The following SLC2A13 variants were observed in gnomAD, a reference collection of about 807,000 sequenced individuals.
SLC2A13 encodes the protein solute carrier family 2 member 13.
SLC2A13 carries 32 observed loss-of-function variants against 64.4 expected under a neutral mutation model. The ratio of observed to expected loss-of-function variants is 0.50; its 90% CI spans 0.37 to 0.67. SLC2A13 has a LOEUF of 0.67. SLC2A13 is among the 30% of genes least tolerant of loss of function. The pLI is 0.00. For missense variants in SLC2A13, 743 were observed against 829.2 expected (o/e 0.90, Z 1.28); for synonymous variants, 338 against 327.1 (o/e 1.03, Z -0.36).
At chr12:40,093,951 G>C (rs1938849709) in intron 1 of SLC2A13, among the ~76,000 whole-genome samples, 1 of 152,084 alleles carries the variant, frequency 6.6e-6, no homozygotes, top group African/African-American at 2.4e-5. Context: ...GCTCTCATGT[G>C]TATAAAAAGA....
intron 8 of SLC2A13, 50 bp downstream of exon 8, chr12:39,764,687 A>C (rs2135713629): frequency 6.3e-7 from 1 of 1,593,464 alleles, no homozygotes; most frequent in Non-Finnish European, 8.5e-7. Context: ...TATCTACTCC[A>C]AAAAGAGGCA....
At chr12:40,070,172 C>CA (rs1168089215) in intron 1 of SLC2A13, among the ~76,000 whole-genome samples, 9 of 149,492 alleles carry the variant, frequency 6.0e-5, no homozygotes, top group African/African-American at 1.7e-4. Flanking sequence ...AAAAAAAACT[C>CA]AGAGACTTGT....
At chr12:39,864,420 G>C (rs925949084) in intron 6 of SLC2A13, among the ~76,000 whole-genome samples, 6 of 152,178 alleles carry the variant, frequency 3.9e-5, no homozygotes, top group Admixed American at 3.3e-4. Context: ...TATTTACTTT[G>C]CTTGGAACAC....
At chr12:39,777,475 G>C (rs1940816985) in intron 7 of SLC2A13, among the ~76,000 whole-genome samples, 2 of 152,222 alleles carry the variant, frequency 1.3e-5, no homozygotes, top group South Asian at 4.1e-4. Context: ...GCTAGGTAGA[G>C]GAGGGCGTGG....
At chr12:39,990,007 G>C (rs889341646) in intron 3 of SLC2A13, among the ~76,000 whole-genome samples, 3 of 152,096 alleles carry the variant, frequency 2.0e-5, no homozygotes, top group Non-Finnish European at 4.4e-5. Context: ...TTCTCTGATA[G>C]GACTATAGCT....
At chr12:39,809,008 CTA>C (rs1396362295) in intron 7 of SLC2A13, among the ~76,000 whole-genome samples, 3 of 152,018 alleles carry the variant, frequency 2.0e-5, no homozygotes, top group African/African-American at 7.2e-5. Flanking sequence ...AGATTTCCTC[CTA>C]TGTTTCCTTA....
chr12:40,095,084 T>G (rs1938894705), intron 1 of SLC2A13, among the ~76,000 whole-genome samples: 1 of 152,204 alleles, frequency 6.6e-6, no homozygotes, highest in Non-Finnish European at 1.5e-5. Context: ...GAAATGTACT[T>G]CATGTATCAT....
At chr12:40,060,374 A>C (rs1486628829) in intron 1 of SLC2A13, among the ~76,000 whole-genome samples, 1 of 152,198 alleles carries the variant, frequency 6.6e-6, no homozygotes, top group Non-Finnish European at 1.5e-5. Context: ...AAGGATCCCC[A>C]AAATCCTAAG....
chr12:39,830,381 G>T, intron 6 of SLC2A13, 153 bp from the exon 7 acceptor site: 1 of 1,400,206 alleles, frequency 7.1e-7, no homozygotes, highest in Non-Finnish European at 9.3e-7. Context: ...GACATGCGCT[G>T]AGCCAGGTGA....
At chr12:40,056,028 G>A (rs1437064817) in intron 1 of SLC2A13, among the ~76,000 whole-genome samples, 11 of 147,870 alleles carry the variant, frequency 7.4e-5, no homozygotes, top group South Asian at 2.2e-4. Flanking sequence ...AAAAACACCA[G>A]CCAAACAAAA....
chr12:40,052,798 C>T (rs752673038), intron 1 of SLC2A13, among the ~76,000 whole-genome samples: 32 of 151,764 alleles, frequency 2.1e-4, no homozygotes, highest in East Asian at 5.8e-4. Context: ...ACTGAAACTA[C>T]GGAAATGGAT....
chr12:39,968,762 A>T (rs7980526), intron 3 of SLC2A13, among the ~76,000 whole-genome samples: 1,121 of 5,260 alleles, frequency 0.21, 52 homozygotes, highest in South Asian at 0.32. Flanking sequence ...TTTTTTTGGT[A>T]TATATATATA....
intron 3 of SLC2A13, among the ~76,000 whole-genome samples, chr12:40,002,952 G>T (rs1282488402): frequency 6.6e-6 from 1 of 152,116 alleles, no homozygotes; most frequent in African/African-American, 2.4e-5. Context: ...CAAACTAGGG[G>T]TTAATAATTT....
chr12:39,869,162 A>C (rs1282220453), intron 5 of SLC2A13, among the ~76,000 whole-genome samples: 1 of 152,230 alleles, frequency 6.6e-6, no homozygotes, highest in Non-Finnish European at 1.5e-5. Context: ...CTGAAATAAA[A>C]ATACAACTAA....
At chr12:39,942,362 T>C (rs1946046797) in intron 4 of SLC2A13, among the ~76,000 whole-genome samples, 1 of 152,224 alleles carries the variant, frequency 6.6e-6, no homozygotes. Context: ...TGTTTCCATT[T>C]GTTTGTGTCA....
chr12:39,971,997 A>AAAAAATATATATATATATAT (rs1375405006), intron 3 of SLC2A13, among the ~76,000 whole-genome samples: 9 of 77,378 alleles, frequency 1.2e-4, no homozygotes, highest in Non-Finnish European at 2.0e-4. Context: ...AAAAAAAAAA[A>AAAAAATATATATATATATAT]ATATATATAT....
intron 3 of SLC2A13, among the ~76,000 whole-genome samples, chr12:39,965,489 T>G (rs985047365): frequency 6.6e-6 from 1 of 152,166 alleles, no homozygotes; most frequent in African/African-American, 2.4e-5. Flanking sequence ...TCAAATGACT[T>G]TTAAAAACTA....
chr12:39,794,036 C>T (rs1254921012), intron 7 of SLC2A13, among the ~76,000 whole-genome samples: 1 of 142,208 alleles, frequency 7.0e-6, no homozygotes, highest in African/African-American at 2.6e-5. Context: ...TTCTCTGATA[C>T]TGAGAAAGTA....
At chr12:40,020,076 G>A (rs1204489745) in intron 3 of SLC2A13, among the ~76,000 whole-genome samples, 1 of 152,150 alleles carries the variant, frequency 6.6e-6, no homozygotes, top group African/African-American at 2.4e-5. Context: ...AAAATTAATG[G>A]CATTTGACCA....
Sources: gnomAD v4.1 joint callset for allele counts (sites outside exome capture counted in the v4.1 genomes callset) on GRCh38, gnomAD v4.1.1 for gene constraint, MANE v1.5 for transcripts, NCBI Gene and HGNC (gene_info 2026-07-23, HGNC 2026-07-21) for gene names.